SCG5: variants seen among roughly 807,000 people sequenced by gnomAD.
SCG5 encodes neuroendocrine protein 7B2.
In SCG5, 18 loss-of-function variants were observed where a neutral mutation model predicts 25.7. The ratio of observed to expected loss-of-function variants is 0.70; its 90% CI spans 0.48 to 1.04. The LOEUF is 1.04. Among genes scored for constraint, SCG5 ranks in the 50% least tolerant of loss-of-function variants. The pLI is 0.00. For missense variants in SCG5, 206 were observed against 259.8 expected, an observed-to-expected ratio of 0.79 and a Z score of 1.42; for synonymous variants, 101 against 91.7, an observed-to-expected ratio of 1.10 and a Z score of -0.58.
In SCG5 at chr15:32,684,514, T is replaced by A. The variant is rs2054669970; in HGVS notation, c.377-43T>A. 3 of 1,204,048 alleles carry A rather than the reference T, an allele frequency of 2.5e-6. No homozygotes were observed. The Admixed American group carries it at 5.6e-5, about 22-fold the overall frequency. The allele number at this position is 1,204,048 out of a possible 1,614,324, so 74.6% of individuals were successfully genotyped here. A position where few individuals can be genotyped will look rare whatever the true frequency, so the allele number is the denominator to read the frequency against. ...GATAAATTAACTCTTAGAATAATGATGAATGTCTTGGCCGTTCCTCAAAAA... is the reference window on the plus strand; with the variant it reads ...GATAAATTAACTCTTAGAATAATGAAGAATGTCTTGGCCGTTCCTCAAAAA... On this transcript the variant is annotated intron_variant, in intron 3 of 5. Transcript: ENST00000300175.
intron 2 of SCG5, among the ~76,000 whole-genome samples, chr15:32,648,483 T>C (rs562240224): frequency 2.0e-5 from 3 of 152,238 alleles, no homozygotes; most frequent in South Asian, 2.1e-4. Flanking sequence ...TACAATTCCA[T>C]TGGTGGCTTC....
intron 3 of SCG5, among the ~76,000 whole-genome samples, chr15:32,680,494 G>A (rs959590176): frequency 9.9e-5 from 15 of 151,156 alleles, no homozygotes; most frequent in African/African-American, 2.7e-4. Context: ...CACTGCGCCC[G>A]GCCTGCACTT....
intron 4 of SCG5, among the ~76,000 whole-genome samples, chr15:32,690,932 A>AC (rs2054842196): frequency 7.4e-6 from 1 of 134,710 alleles, no homozygotes; most frequent in East Asian, 2.3e-4. Flanking sequence ...GCCCCCCCCC[A>AC]CCGCCACCAA....
intron 1 of SCG5, among the ~76,000 whole-genome samples, chr15:32,642,029 A>G (rs562279429): frequency 6.6e-6 from 1 of 152,242 alleles, no homozygotes; most frequent in South Asian, 2.1e-4. Context: ...CAAGGGAAAG[A>G]TGGAGATGGA....
intron 2 of SCG5, among the ~76,000 whole-genome samples, chr15:32,645,538 C>T (rs758581922): frequency 5.3e-5 from 8 of 152,064 alleles, no homozygotes; most frequent in Non-Finnish European, 1.0e-4. Context: ...CAAGCTGCCG[C>T]CGTGGAAGCA....
At chr15:32,663,743 T>G in intron 2 of SCG5, among the ~76,000 whole-genome samples, 1 of 152,060 alleles carries the variant, frequency 6.6e-6, no homozygotes, top group Admixed American at 6.6e-5. Context: ...CTGTAAGCAG[T>G]GGGACTCAAG....
At position 32,696,659 on chromosome 15, in the gene SCG5, G is replaced by A. The variant is rs1474640248; in HGVS notation, c.*50G>A. On this transcript the variant is annotated 3_prime_UTR_variant, in exon 6 of 6. Transcript: ENST00000300175. ...ACATTACCTGTTAGGCCTCAGCATG[G>A]CTTATGTGCACGTGTAAATGGAGTC... 7 of 1,150,396 alleles carry A rather than the reference G, an allele frequency of 6.1e-6. No individual in the cohort carries two copies. The highest frequency in any genetic ancestry group is 3.0e-5 in the African/African-American group (2 of 66,126). The allele number at this position is 1,150,396 out of a possible 1,614,324, so 71.3% of individuals were successfully genotyped here.
chr15:32,690,969 G>A (rs893365093), intron 4 of SCG5, among the ~76,000 whole-genome samples: 1 of 150,340 alleles, frequency 6.7e-6, no homozygotes, highest in Non-Finnish European at 1.5e-5. Context: ...CTGCCTTCAG[G>A]TTAAGTGTTC....
At chr15:32,673,527 C>CGTGTATGT (rs1555435519) in intron 2 of SCG5, among the ~76,000 whole-genome samples, 1 of 134,880 alleles carries the variant, frequency 7.4e-6, no homozygotes, top group African/African-American at 2.9e-5. Flanking sequence ...ATAAGATCCC[C>CGTGTATGT]GTGTGTGTGT....
chr15:32,662,979 G>A (rs774621104), intron 2 of SCG5, among the ~76,000 whole-genome samples: 7 of 147,144 alleles, frequency 4.8e-5, no homozygotes, highest in Non-Finnish European at 8.9e-5. Context: ...GTTGGTGCAC[G>A]TGTGTTTGTG....
chr15:32,696,742 G>A lies in SCG5; in HGVS notation c.*133G>A, dbSNP rs1283941265. ...AATTATGGATACAAAGCAGCTGTAT[G>A]TAGATAGTGTATTGTCTTCACACCG... On this transcript the variant is annotated 3_prime_UTR_variant, in exon 6 of 6. Coordinates refer to ENST00000300175, the MANE Select transcript of SCG5 (RefSeq NM_001144757.3). 1.7e-6 allele frequency: 1 copy of A among 589,792 alleles called. No individual in the cohort carries two copies. The highest frequency in any genetic ancestry group is 3.1e-6 in the Non-Finnish European group (1 of 325,142). 36.5% of individuals were successfully genotyped at this position (589,792 alleles called of 1,614,324 possible).
chr15:32,663,394 C>T (rs1452541275), intron 2 of SCG5, among the ~76,000 whole-genome samples: 1 of 151,968 alleles, frequency 6.6e-6, no homozygotes, highest in Non-Finnish European at 1.5e-5. Context: ...CTCTTCTGGA[C>T]ATTTCATATA....
chr15:32,657,199 G>GTATA (rs71113463), intron 2 of SCG5, among the ~76,000 whole-genome samples: 261 of 6,704 alleles, frequency 0.039, 96 homozygotes, highest in Non-Finnish European at 0.049. Flanking sequence ...TCATCCTCCT[G>GTATA]TATATATATA....
chr15:32,679,772 C>T lies in SCG5; in HGVS notation c.233C>T (p.Ala78Val). 2 of 1,613,922 alleles carry T rather than the reference C, an allele frequency of 1.2e-6. No individual in the cohort carries two copies. Among genetic ancestry groups the T allele is most frequent in the Non-Finnish European group, 1.7e-6 (2 of 1,179,838 alleles). ...LVGPQSIEGG[A>V]HEGLQHLGPF... ...ACTTCTGATTCCCTCGCAGGTGGAGCTCATGAAGGACTTCAGCATTTGGGT... is the reference window on the plus strand; with the variant it reads ...ACTTCTGATTCCCTCGCAGGTGGAGTTCATGAAGGACTTCAGCATTTGGGT... Residue 78 changes from alanine to valine, a missense_variant, in exon 3 of 6, where the codon GCT becomes GTT. Coordinates refer to ENST00000300175, the MANE Select transcript of SCG5 (RefSeq NM_001144757.3).
intron 5 of SCG5, among the ~76,000 whole-genome samples, chr15:32,693,848 G>A (rs1214785668): frequency 2.0e-5 from 3 of 152,176 alleles, no homozygotes; most frequent in Admixed American, 6.5e-5. Flanking sequence ...GGTGGCTCAC[G>A]CCTGTAATCC....
intron 2 of SCG5, among the ~76,000 whole-genome samples, chr15:32,657,369 T>A (rs375914402): frequency 6.6e-5 from 10 of 150,748 alleles, no homozygotes; most frequent in African/African-American, 2.4e-4. Context: ...TGCTCTGCTC[T>A]GTATTGGTGT....
chr15:32,692,295 A>G (rs1158826259), intron 5 of SCG5: 4 of 984,228 alleles, frequency 4.1e-6, no homozygotes, highest in Non-Finnish European at 4.8e-6. Context: ...AAAATCTACT[A>G]GATCTGTAAT....
chr15:32,691,743 GGA>G lies in SCG5; in HGVS notation c.530_531del (p.Arg177ThrfsTer17), dbSNP rs778472399. ...KKLLYEKMKG[G>X]ERRKRRSVNP... Reference sequence around the variant, plus strand: ...ACTCCTTTACGAGAAGATGAAGGGAGGAGAGAGACGAAAGCGGAGGGTAACAC... The same window carrying G: ...ACTCCTTTACGAGAAGATGAAGGGAGGAGAGACGAAAGCGGAGGGTAACAC... On this transcript the variant is annotated frameshift_variant, in exon 5 of 6. Transcript: ENST00000300175. LOFTEE classifies it high-confidence loss of function. The G allele has an allele frequency of 1.5e-5, 24 of 1,612,284 alleles. No homozygotes were observed. The highest frequency in any genetic ancestry group is 2.0e-5 in the Non-Finnish European group (23 of 1,179,336).
rs751012885 is a variant in SCG5 at position 32,641,766 on chromosome 15, G to C, written c.-20G>C. The C allele has an allele frequency of 5.3e-5, 8 of 152,284 alleles. No homozygotes were observed. Among genetic ancestry groups the C allele is most frequent in the Non-Finnish European group, 1.2e-4 (8 of 68,116 alleles). 9.4% of individuals were successfully genotyped at this position (152,284 alleles called of 1,614,324 possible). On this transcript the variant is annotated 5_prime_UTR_variant, in exon 1 of 6. Transcript: ENST00000300175. ...AGGCCCATACCGCAGTAGGCTCCTC[G>C]GGCTGCCCCTCGGTGAGTACAGTTT...
Sources: gnomAD v4.1 joint callset for allele counts (sites outside exome capture counted in the v4.1 genomes callset) on GRCh38, gnomAD v4.1.1 for gene constraint, MANE v1.5 for transcripts, NCBI Gene and HGNC (gene_info 2026-07-23, HGNC 2026-07-21) for gene names.